The following GRIA3 variants were observed in gnomAD, a reference collection of about 807,000 sequenced individuals.
GRIA3 encodes glutamate ionotropic receptor AMPA type subunit 3.
Under a neutral mutation model 63.0 loss-of-function variants are expected in GRIA3, and 3 were observed. The ratio of observed to expected loss-of-function variants is 0.05; its 90% CI spans 0.02 to 0.12. GRIA3 has a LOEUF of 0.12. GRIA3 is among the 10% of genes least tolerant of loss of function. The pLI, the probability that GRIA3 is intolerant of heterozygous loss-of-function variation, is 1.00. For missense variants in GRIA3, 347 were observed against 700.9 expected, an observed-to-expected ratio of 0.50 and a Z score of 5.70; for synonymous variants, 274 against 257.9, an observed-to-expected ratio of 1.06 and a Z score of -0.60.
intron 3 of GRIA3, among the ~76,000 whole-genome samples, chrX:123,323,724 G>A (rs1027423307): frequency 1.8e-5 from 2 of 111,828 alleles, no homozygotes; most frequent in Non-Finnish European, 1.9e-5. Flanking sequence ...CTGGAATGGG[G>A]TGAGGGATTA....
chrX:123,200,590 T>C (rs12400892), intron 2 of GRIA3, among the ~76,000 whole-genome samples: 29 of 82,531 alleles, frequency 3.5e-4, no homozygotes, highest in Non-Finnish European at 4.6e-4. Flanking sequence ...TATATACATA[T>C]ACACACACAC....
intron 15 of GRIA3, 64 bp downstream of exon 15, chrX:123,483,110 TC>T (rs2045920363): frequency 8.7e-6 from 8 of 919,262 alleles, no homozygotes; most frequent in Non-Finnish European, 7.7e-6. Flanking sequence ...CTTTTTTTCT[TC>T]TTTTTTTTTT....
At chrX:123,396,472 G>T (rs2045414571) in intron 6 of GRIA3, among the ~76,000 whole-genome samples, 1 of 110,616 alleles carries the variant, frequency 9.0e-6, no homozygotes, top group Non-Finnish European at 1.9e-5. Context: ...ATGCCTGCCA[G>T]ATTTTTCCAA....
intron 2 of GRIA3, among the ~76,000 whole-genome samples, chrX:123,189,619 T>C (rs994754486): frequency 1.8e-5 from 2 of 112,762 alleles, no homozygotes; most frequent in African/African-American, 6.5e-5. Flanking sequence ...AGCCAACAAA[T>C]GTGCTTGTGG....
chrX:123,279,070 C>T (rs978789175), intron 3 of GRIA3, among the ~76,000 whole-genome samples: 5 of 111,396 alleles, frequency 4.5e-5, no homozygotes, highest in African/African-American at 1.6e-4. Flanking sequence ...GGATATATTC[C>T]TATTTATTTG....
chrX:123,353,056 A>AAC (rs1313551741), intron 4 of GRIA3, among the ~76,000 whole-genome samples: 31 of 47,753 alleles, frequency 6.5e-4, no homozygotes, highest in South Asian at 1.7e-3. Context: ...CACACACACA[A>AAC]ACACACACAC....
In GRIA3 at chrX:123,368,488, G is replaced by A. The variant is rs777226325; in HGVS notation, c.750+13525G>A. Among the ~76,000 whole-genome samples the A allele has an allele frequency of 3.6e-5, 4 of 111,067 alleles. No homozygotes were observed. The South Asian group carries it at 1.2e-3, about 32-fold the overall frequency. On this transcript the variant is annotated intron_variant, in intron 5 of 15. Coordinates refer to ENST00000620443, the MANE Select transcript of GRIA3 (RefSeq NM_007325.5). ...TTTACAGAAGTTTTAGGAAACCAGG[G>A]ACTCTAAATTCTCCGACATGGTGAA...
intron 10 of GRIA3, among the ~76,000 whole-genome samples, chrX:123,413,303 C>A (rs1302853329): frequency 2.7e-5 from 3 of 109,659 alleles, no homozygotes; most frequent in African/African-American, 9.9e-5. Context: ...TTTTCTAAAA[C>A]AAACAAGTAA....
At chrX:123,440,201 G>A (rs1055105284) in intron 12 of GRIA3, among the ~76,000 whole-genome samples, 2 of 112,119 alleles carry the variant, frequency 1.8e-5, no homozygotes, top group Admixed American at 9.4e-5. Context: ...GGTCATTGAC[G>A]GGCATTTAAG....
At chrX:123,242,384 G>A (rs1264465479) in intron 2 of GRIA3, among the ~76,000 whole-genome samples, 1 of 111,973 alleles carries the variant, frequency 8.9e-6, no homozygotes, top group Non-Finnish European at 1.9e-5. Context: ...CCTTAGGGCT[G>A]ATCCAAAGAC....
intron 5 of GRIA3, among the ~76,000 whole-genome samples, chrX:123,368,206 C>T (rs1245662379): frequency 9.0e-6 from 1 of 111,322 alleles, no homozygotes; most frequent in Non-Finnish European, 1.9e-5. Flanking sequence ...ATGTCCCACT[C>T]GTGGGTGTTA....
chrX:123,316,276 T>A (rs2147326291), intron 3 of GRIA3, among the ~76,000 whole-genome samples: 1 of 111,366 alleles, frequency 9.0e-6, no homozygotes, highest in African/African-American at 3.3e-5. Flanking sequence ...AAATGATGAA[T>A]AAACATGGAC....
intron 12 of GRIA3, among the ~76,000 whole-genome samples, chrX:123,456,429 A>G (rs1286002073): frequency 9.0e-6 from 1 of 111,667 alleles, no homozygotes; most frequent in Non-Finnish European, 1.9e-5. Flanking sequence ...GGTAATTCTC[A>G]CCACAAAAAT....
intron 3 of GRIA3, among the ~76,000 whole-genome samples, chrX:123,264,542 A>G (rs1428523547): frequency 9.0e-6 from 1 of 111,626 alleles, no homozygotes; most frequent in African/African-American, 3.3e-5. Context: ...GAGTTTGTCA[A>G]CTGGCACTTA....
At chrX:123,392,717 C>T (rs1332711114) in intron 5 of GRIA3, among the ~76,000 whole-genome samples, 1 of 112,103 alleles carries the variant, frequency 8.9e-6, no homozygotes, top group Non-Finnish European at 1.9e-5. Flanking sequence ...TGTCACTTCT[C>T]TATTGAATTC....
intron 3 of GRIA3, among the ~76,000 whole-genome samples, chrX:123,295,212 G>A (rs1026127273): frequency 1.8e-5 from 2 of 111,456 alleles, no homozygotes; most frequent in Non-Finnish European, 3.8e-5. Flanking sequence ...CAGCCTTTGC[G>A]AATGGGCCTT....
rs925334432 is a variant in GRIA3 at position 123,187,118 on chromosome X, G to A, written c.268+1128G>A. Among the ~76,000 whole-genome samples, 3 of 111,837 alleles carry A rather than the reference G, an allele frequency of 2.7e-5. No individual in the cohort carries two copies. The Admixed American group carries it at 2.8e-4, about 11-fold the overall frequency. The stretch of plus-strand genomic sequence containing the variant: ...GGTTTTTCTTCCTTTCTCTTCCAAG[G>A]GAGAAATGATATTTATGTTTGGATG... On this transcript the variant is annotated intron_variant, in intron 2 of 15. Coordinates refer to ENST00000620443, the MANE Select transcript of GRIA3 (RefSeq NM_007325.5).
At chrX:123,234,170 T>G (rs1335549518) in intron 2 of GRIA3, among the ~76,000 whole-genome samples, 1 of 111,253 alleles carries the variant, frequency 9.0e-6, no homozygotes, top group Non-Finnish European at 1.9e-5. Flanking sequence ...TGCTACCACC[T>G]GGTTGACAGG....
Position 123,253,411 on chromosome X carries a change from C to T in GRIA3, c.377C>T (p.Thr126Met), listed in dbSNP as rs1603049727. ...FCGALHTSFV[T>M]PSFPTDADVQ... The stretch of plus-strand genomic sequence containing the variant: ...GGGGCCCTGCACACATCCTTTGTTA[C>T]GCCTAGCTTCCCCACTGACGCAGAT... The change falls in exon 3 of 16, where the codon ACG becomes ATG. Residue 126 changes from threonine (T) to methionine (M), a missense_variant. Coordinates refer to ENST00000620443, the MANE Select transcript of GRIA3 (RefSeq NM_007325.5). The T allele has an allele frequency of 3.3e-6, 4 of 1,211,404 alleles. No individual in the cohort carries two copies. Among genetic ancestry groups the T allele is most frequent in the East Asian group, 3.0e-5 (1 of 33,808 alleles).
Sources: allele counts gnomAD v4.1 joint callset (sites outside exome capture counted in the v4.1 genomes callset), GRCh38; gene constraint gnomAD v4.1.1; transcripts MANE v1.5; gene names NCBI Gene and HGNC (gene_info 2026-07-23, HGNC 2026-07-21).